CLSTN2: variants seen among roughly 807,000 people sequenced by gnomAD.
The protein encoded by CLSTN2 is calsyntenin-2.
In CLSTN2, 48 loss-of-function variants were observed where a neutral mutation model predicts 101.2. The observed-to-expected ratio is 0.47, with a 90% CI of 0.38 to 0.60. The LOEUF (loss-of-function observed/expected upper bound fraction) is 0.60, where lower values mean the gene tolerates loss of function less well. CLSTN2 is among the 20% of genes least tolerant of loss of function. CLSTN2 has a pLI of 0.00. For synonymous variants in CLSTN2, 481 were observed against 463.6 expected, an observed-to-expected ratio of 1.04 and a Z score of -0.48; for missense variants, 1,160 against 1,238.2, an observed-to-expected ratio of 0.94 and a Z score of 0.95.
chr3:140,396,793 C>G (rs973708810), intron 2 of CLSTN2, among the ~76,000 whole-genome samples: 3 of 152,214 alleles, frequency 2.0e-5, no homozygotes, highest in Non-Finnish European at 2.9e-5. Flanking sequence ...CTGAGCCGCT[C>G]TGAGGCTGGG....
rs60464575 is a variant in CLSTN2, at chr3:140,163,419, T to TACACACACACACACACAC, written c.110-12518_110-12501dup. Among the ~76,000 whole-genome samples the TACACACACACACACACAC allele has an allele frequency of 1.3e-3, 185 of 145,122 alleles. 1 individual carries two copies. Among genetic ancestry groups the TACACACACACACACACAC allele is most frequent in the African/African-American group, 4.4e-3 (176 of 39,692 alleles). On this transcript the variant is annotated intron_variant, in intron 1 of 16. Coordinates refer to ENST00000458420, the MANE Select transcript of CLSTN2 (RefSeq NM_022131.3). ...TCAATTCTTTAAAATTTTCTATCTCTACACACACACACACACACACACACA... is the reference window on the plus strand; with the variant it reads ...TCAATTCTTTAAAATTTTCTATCTCTACACACACACACACACACACACACACACACACACACACACACA...
At position 140,562,215 on chromosome 3, in the gene CLSTN2, G is replaced by C; in HGVS notation, c.2119G>C (p.Asp707His). ...CATTTTGGTGATCGGAGGGGACTTGGACCCAAGGCAGGAGTGCTTGGAGCT... is the reference window on the plus strand; with the variant it reads ...CATTTTGGTGATCGGAGGGGACTTGCACCCAAGGCAGGAGTGCTTGGAGCT... ...CDILVIGGDL[D>H]PRQECLELNH... Residue 707 changes from aspartate (D) to histidine (H), a missense_variant, in exon 13 of 17, where the codon GAC (aspartate) becomes CAC (histidine). By Grantham distance (81) the Asp-to-His change is moderately conservative. Coordinates refer to ENST00000458420, the MANE Select transcript of CLSTN2 (RefSeq NM_022131.3). 6.2e-7 allele frequency: 1 copy of C among 1,614,040 alleles called. No individual in the cohort carries two copies. The highest frequency in any genetic ancestry group is 8.5e-7 in the Non-Finnish European group (1 of 1,179,950).
chr3:140,336,897 TCTC>T (rs1285809074), intron 2 of CLSTN2, among the ~76,000 whole-genome samples: 4 of 152,126 alleles, frequency 2.6e-5, no homozygotes, highest in Non-Finnish European at 2.9e-5. Context: ...GGCTAATGGT[TCTC>T]ATTGTCCTTA....
chr3:140,386,229 C>T (rs575872355), intron 2 of CLSTN2, among the ~76,000 whole-genome samples: 1 of 152,346 alleles, frequency 6.6e-6, no homozygotes, highest in South Asian at 2.1e-4. Flanking sequence ...AGTTAACGTA[C>T]TTTGGCCAAG....
intron 8 of CLSTN2, among the ~76,000 whole-genome samples, chr3:140,505,391 A>C (rs1310424587): frequency 6.6e-6 from 1 of 152,134 alleles, no homozygotes; most frequent in African/African-American, 2.4e-5. Flanking sequence ...CCACTCCCCC[A>C]CAGAGCAATC....
At chr3:139,968,119 C>T (rs1281888026) in intron 1 of CLSTN2, among the ~76,000 whole-genome samples, 2 of 152,110 alleles carry the variant, frequency 1.3e-5, no homozygotes, top group African/African-American at 2.4e-5. Flanking sequence ...TTTTGGACGG[C>T]CTATATACCC....
chr3:140,507,411 T>C (rs1425662767), intron 8 of CLSTN2: 3 of 152,216 alleles, frequency 2.0e-5, no homozygotes, highest in African/African-American at 7.2e-5. Context: ...AACTGTGCTA[T>C]GTATAGCCTT....
intron 1 of CLSTN2, among the ~76,000 whole-genome samples, chr3:140,124,271 A>G (rs1209557733): frequency 6.6e-6 from 1 of 152,176 alleles, no homozygotes; most frequent in African/African-American, 2.4e-5. Flanking sequence ...AGAGGAAAGC[A>G]GGGCCCAGAT....
intron 1 of CLSTN2, among the ~76,000 whole-genome samples, chr3:139,990,917 T>C (rs938943861): frequency 9.2e-5 from 14 of 152,232 alleles, no homozygotes; most frequent in African/African-American, 3.4e-4. Context: ...CATTTTAATA[T>C]TGTCTTAAAG....
intron 2 of CLSTN2, among the ~76,000 whole-genome samples, chr3:140,335,456 CAA>C (rs36037134): frequency 1.4e-5 from 2 of 141,842 alleles, no homozygotes; most frequent in Non-Finnish European, 1.5e-5. Context: ...TGTGAAAGGC[CAA>C]AAAAAAAAAA....
intron 2 of CLSTN2, among the ~76,000 whole-genome samples, chr3:140,292,391 T>A (rs1028476454): frequency 6.6e-6 from 1 of 152,220 alleles, no homozygotes; most frequent in Non-Finnish European, 1.5e-5. Flanking sequence ...ATATTTGTTT[T>A]TTTTCTTCTT....
chr3:140,523,636 C>T (rs1046034935), intron 8 of CLSTN2, among the ~76,000 whole-genome samples: 1 of 152,158 alleles, frequency 6.6e-6, no homozygotes, highest in Non-Finnish European at 1.5e-5. Flanking sequence ...TATTATTATC[C>T]TCACTTCACA....
At chr3:140,022,892 G>A (rs377032238) in intron 1 of CLSTN2, among the ~76,000 whole-genome samples, 1 of 152,178 alleles carries the variant, frequency 6.6e-6, no homozygotes, top group East Asian at 1.9e-4. Flanking sequence ...GCAGATCCCT[G>A]AGTCCCTGTG....
intron 1 of CLSTN2, among the ~76,000 whole-genome samples, chr3:140,069,867 T>C (rs1484321587): frequency 6.6e-6 from 1 of 152,148 alleles, no homozygotes; most frequent in African/African-American, 2.4e-5. Flanking sequence ...CAATCCATGA[T>C]CTCAATAAGC....
At chr3:140,466,464 T>C in intron 7 of CLSTN2, 146 bp from the exon 8 acceptor site, 6 of 915,922 alleles carry the variant, frequency 6.6e-6, no homozygotes, top group Non-Finnish European at 1.0e-5. Context: ...TATAGAACTA[T>C]CATCAGAGCC....
At chr3:139,942,335 C>A (rs1935145664) in intron 1 of CLSTN2, among the ~76,000 whole-genome samples, 1 of 152,152 alleles carries the variant, frequency 6.6e-6, no homozygotes, top group Admixed American at 6.5e-5. Flanking sequence ...GCAGAGGAGG[C>A]AGCCTTCTGC....
intron 6 of CLSTN2, chr3:140,452,365 C>T (rs1405347243): frequency 6.6e-6 from 1 of 152,368 alleles, no homozygotes; most frequent in East Asian, 1.9e-4. Context: ...CTAGGATGGT[C>T]TCTCTCCCCT....
intron 1 of CLSTN2, among the ~76,000 whole-genome samples, chr3:140,142,116 T>C (rs2009709977): frequency 6.6e-6 from 1 of 152,212 alleles, no homozygotes; most frequent in South Asian, 2.1e-4. Context: ...TTGCGATTTG[T>C]ATAAGGAGAC....
intron 2 of CLSTN2, among the ~76,000 whole-genome samples, chr3:140,215,750 A>T (rs1576470161): frequency 6.6e-6 from 1 of 152,322 alleles, no homozygotes; most frequent in South Asian, 2.1e-4. Context: ...AAATCACAGT[A>T]ATAGTGCCAC....
Sources: gnomAD v4.1 joint callset for allele counts (sites outside exome capture counted in the v4.1 genomes callset) on GRCh38, gnomAD v4.1.1 for gene constraint, MANE v1.5 for transcripts, NCBI Gene and HGNC (gene_info 2026-07-23, HGNC 2026-07-21) for gene names.